BPHL: variants seen among roughly 807,000 people sequenced by gnomAD.
BPHL encodes the protein biphenyl hydrolase like, also known as serine hydrolase BPHL.
In BPHL, 27 loss-of-function variants were observed where a neutral mutation model predicts 31.2. The observed-to-expected ratio is 0.87, with a 90% CI of 0.64 to 1.19. The LOEUF is 1.19. Ranked by LOEUF, BPHL falls within the 50% of genes most tolerant of loss-of-function variation. The pLI is 0.00. For missense variants in BPHL, 356 were observed against 375.7 expected (o/e 0.95, Z 0.43); for synonymous variants, 150 against 146.8 (o/e 1.02, Z -0.16).
intron 6 of BPHL, among the ~76,000 whole-genome samples, chr6:3,146,291 C>CGAGTGCTGGTTCGGGTG (rs1762356623): frequency 3.9e-5 from 1 of 25,622 alleles, no homozygotes; most frequent in African/African-American, 1.6e-4. Context: ...TGGTTCGGGT[C>CGAGTGCTGGTTCGGGTG]GAGTGCTGGT....
chr6:3,130,334 A>G (rs1761838335), intron 4 of BPHL, among the ~76,000 whole-genome samples: 1 of 152,172 alleles, frequency 6.6e-6, no homozygotes, highest in Non-Finnish European at 1.5e-5. Flanking sequence ...GCACCCAGCC[A>G]TGGAATTTCA....
chr6:3,141,706 G>C (rs1762182905), intron 6 of BPHL, among the ~76,000 whole-genome samples: 1 of 152,104 alleles, frequency 6.6e-6, no homozygotes, highest in Non-Finnish European at 1.5e-5. Flanking sequence ...GGGCACAGTG[G>C]CTCACACCTG....
intron 3 of BPHL, among the ~76,000 whole-genome samples, chr6:3,128,412 T>C (rs1761775348): frequency 6.6e-6 from 1 of 152,146 alleles, no homozygotes; most frequent in Non-Finnish European, 1.5e-5. Flanking sequence ...TATCTTGGAG[T>C]AATATTAATT....
At chr6:3,118,939 C>T (rs191488472) in intron 1 of BPHL, 92 bp downstream of exon 1, 18 of 1,059,162 alleles carry the variant, frequency 1.7e-5, no homozygotes, top group Non-Finnish European at 2.0e-5. Flanking sequence ...GAGTTCCCGG[C>T]GCGCGGGCAC....
At chr6:3,137,681 G>A (rs1228746012) in intron 5 of BPHL, among the ~76,000 whole-genome samples, 188 bp downstream of exon 5, 4 of 152,136 alleles carry the variant, frequency 2.6e-5, no homozygotes, top group African/African-American at 9.7e-5. Flanking sequence ...CTGGCTTAAC[G>A]GAGAGGTAGG....
chr6:3,151,180 C>T (rs368527876), intron 6 of BPHL, among the ~76,000 whole-genome samples: 1 of 152,114 alleles, frequency 6.6e-6, no homozygotes, highest in South Asian at 2.1e-4. Context: ...TTAGCCTATA[C>T]GTGACCTTCT....
rs904264390 is a variant in BPHL at position 3,141,517 on chromosome 6, G to A, written c.788+1008G>A. 3.9e-5 allele frequency among the ~76,000 whole-genome samples: 6 copies of A among 152,252 alleles called. No homozygotes were observed. The East Asian group carries it at 7.8e-4, about 20-fold the overall frequency. ...CAAATAGGTGGGATTACAGGTGTGC[G>A]CCACCACGCCCAGCTAATTTTTTGT... On this transcript the variant is annotated intron_variant, in intron 6 of 6. Coordinates refer to ENST00000380379, the MANE Select transcript of BPHL (RefSeq NM_004332.4).
chr6:3,134,582 G>A (rs1328598114), intron 4 of BPHL, among the ~76,000 whole-genome samples: 6 of 149,462 alleles, frequency 4.0e-5, no homozygotes, highest in Admixed American at 1.3e-4. Flanking sequence ...CACTACAGGC[G>A]TGTGCCACCG....
intron 6 of BPHL, among the ~76,000 whole-genome samples, chr6:3,147,452 A>G (rs1762414417): frequency 6.6e-6 from 1 of 152,032 alleles, no homozygotes; most frequent in Admixed American, 6.6e-5. Flanking sequence ...TAAATTTTTT[A>G]AGAGAAGGTC....
chr6:3,148,745 A>G (rs1327689126), intron 6 of BPHL, among the ~76,000 whole-genome samples: 2 of 152,238 alleles, frequency 1.3e-5, no homozygotes, highest in Non-Finnish European at 2.9e-5. Context: ...AGAATTAGCC[A>G]GTGCTTATCA....
chr6:3,132,081 T>C (rs979419186), intron 4 of BPHL, among the ~76,000 whole-genome samples: 1 of 152,136 alleles, frequency 6.6e-6, no homozygotes, highest in Non-Finnish European at 1.5e-5. Flanking sequence ...AGCGCAGCAC[T>C]CTTTACTCTC....
chr6:3,119,403 A>G (rs369822936), intron 1 of BPHL: 5 of 1,608,744 alleles, frequency 3.1e-6, no homozygotes, highest in Non-Finnish European at 8.5e-7. Flanking sequence ...TTGGGAACTG[A>G]AAATTCAGAA....
intron 2 of BPHL, among the ~76,000 whole-genome samples, chr6:3,125,526 AT>A (rs1374469847): frequency 6.6e-6 from 1 of 152,110 alleles, no homozygotes; most frequent in Non-Finnish European, 1.5e-5. Context: ...TAAGTTTTAT[AT>A]TCTTGGCACT....
At chr6:3,122,259 G>C (rs566642963) in intron 1 of BPHL, among the ~76,000 whole-genome samples, 2 of 152,044 alleles carry the variant, frequency 1.3e-5, no homozygotes, top group Non-Finnish European at 2.9e-5. Flanking sequence ...CAGCCTGGGC[G>C]ACAGAGTGAG....
intron 5 of BPHL, among the ~76,000 whole-genome samples, chr6:3,137,728 A>G (rs1762052458): frequency 6.6e-6 from 1 of 152,232 alleles, no homozygotes. Flanking sequence ...TGAGTCTTTA[A>G]TAGCAGACTG....
At chr6:3,144,586 C>A (rs189832256) in intron 6 of BPHL, among the ~76,000 whole-genome samples, 100 of 151,852 alleles carry the variant, frequency 6.6e-4, no homozygotes, top group Admixed American at 6.5e-3. Context: ...GAGAAAGGGC[C>A]TTGCCGTGTT....
chr6:3,138,355 T>C (rs1042590837), intron 5 of BPHL: 1 of 164,806 alleles, frequency 6.1e-6, no homozygotes, highest in Non-Finnish European at 1.3e-5. Context: ...AGATTTCCAG[T>C]TAAAGTAAGA....
intron 4 of BPHL, among the ~76,000 whole-genome samples, chr6:3,133,221 C>A (rs897803063): frequency 4.7e-5 from 7 of 148,588 alleles, no homozygotes; most frequent in African/African-American, 1.8e-4. Flanking sequence ...CTGCGGCCTG[C>A]AGCTCACTGC....
intron 4 of BPHL, among the ~76,000 whole-genome samples, 174 bp downstream of exon 4, chr6:3,129,372 GTT>G (rs1461457693): frequency 1.3e-5 from 2 of 152,392 alleles, no homozygotes; most frequent in Admixed American, 1.3e-4. Flanking sequence ...ACCAGTCTGA[GTT>G]TTAAAGCTTT....
Sources: gnomAD v4.1 joint callset for allele counts (sites outside exome capture counted in the v4.1 genomes callset) on GRCh38, gnomAD v4.1.1 for gene constraint, MANE v1.5 for transcripts, NCBI Gene and HGNC (gene_info 2026-07-23, HGNC 2026-07-21) for gene names.